The following IL2RA variants were observed in gnomAD, a reference collection of about 807,000 sequenced individuals.
The protein encoded by IL2RA is interleukin 2 receptor subunit alpha.
Under a neutral mutation model 37.8 loss-of-function variants are expected in IL2RA, and 24 were observed. The observed-to-expected ratio is 0.63, with a 90% confidence interval of 0.46 to 0.89. IL2RA has a LOEUF of 0.89. Among genes scored for constraint, IL2RA ranks in the 40% least tolerant of loss-of-function variants. IL2RA has a pLI of 0.00. For missense variants in IL2RA, 319 were observed against 348.6 expected (o/e 0.92, Z 0.68); for synonymous variants, 125 against 114.6 (o/e 1.09, Z -0.58).
chr10:6,043,629 G>A (rs1839806561), intron 1 of IL2RA, among the ~76,000 whole-genome samples: 1 of 152,138 alleles, frequency 6.6e-6, no homozygotes, highest in African/African-American at 2.4e-5. Context: ...GTAGAAATGG[G>A]GTTTCACCAT....
rs1230487400 is a variant in IL2RA at position 6,015,693 on chromosome 10, C to A, written c.794+2360G>T. 6.6e-6 allele frequency among the ~76,000 whole-genome samples: 1 copy of A among 152,198 alleles called. No homozygotes were observed. Among genetic ancestry groups the A allele is most frequent in the African/African-American group, 2.4e-5 (1 of 41,448 alleles). On this transcript the variant is annotated intron_variant, in intron 7 of 7. Coordinates refer to ENST00000379959, the MANE Select transcript of IL2RA (RefSeq NM_000417.3). This position sits in a 1 kb window ranked among gnomAD's most constrained non-coding sequence, Gnocchi z 4.9. ...AGATCATGGTATTTAGCATATCCAT[C>A]ATCTCAAACATTTATCGTTTCTTTA...
At chr10:6,017,182 T>C (rs1422290725) in intron 7 of IL2RA, 1 of 152,276 alleles carries the variant, frequency 6.6e-6, no homozygotes, top group Non-Finnish European at 1.5e-5. Flanking sequence ...CTCCTGGATG[T>C]TCTAAGATGC....
In IL2RA at chr10:6,054,160, G is replaced by T. The variant is rs182731071; in HGVS notation, c.64+7928C>A. On this transcript the variant is annotated intron_variant, in intron 1 of 7. Transcript: ENST00000379959. This position sits in a 1 kb window ranked among gnomAD's most constrained non-coding sequence, Gnocchi z 4.5. ...CTCCTTAAGCAGGATGCCTGGATCC[G>T]GGTCGAGGGCTGCAGGCGGAGCTGC... Among the ~76,000 whole-genome samples the T allele has an allele frequency of 1.3e-5, 2 of 152,372 alleles. No individual in the cohort carries two copies. The highest frequency in any genetic ancestry group is 3.9e-4 in the East Asian group (2 of 5,188).
rs12722699 is a variant in IL2RA, at chr10:6,018,052, C to G, written c.794+1G>C. 2 of 1,613,566 alleles carry G rather than the reference C, an allele frequency of 1.2e-6. No homozygotes were observed. The highest frequency in any genetic ancestry group is 1.7e-6 in the Non-Finnish European group (2 of 1,179,608). ...GGCTGCCTTGGTGATGCCACACTTACTGTCTCCGCTGCCAGGTGAGCCCAC... is the reference window on the plus strand; with the variant it reads ...GGCTGCCTTGGTGATGCCACACTTAGTGTCTCCGCTGCCAGGTGAGCCCAC... On this transcript the variant is annotated splice_donor_variant, in intron 7 of 7. Transcript: ENST00000379959. LOFTEE classifies it high-confidence loss of function. The surrounding 1 kb of genome is among the most constrained non-coding windows in gnomAD (Gnocchi z 5.1).
intron 1 of IL2RA, among the ~76,000 whole-genome samples, chr10:6,053,695 A>G (rs375909282): frequency 6.4e-4 from 97 of 152,276 alleles, no homozygotes; most frequent in African/African-American, 2.3e-3. Context: ...GGGTCTCACT[A>G]TGTTGCCCAG....
chr10:6,031,494 GTA>G (rs61619651), intron 1 of IL2RA, among the ~76,000 whole-genome samples: 1,549 of 27,388 alleles, frequency 0.057, 47 homozygotes, highest in African/African-American at 0.097. Flanking sequence ...ATATATATAT[GTA>G]TATATATATA....
At chr10:6,055,012 G>T (rs915344024) in intron 1 of IL2RA, among the ~76,000 whole-genome samples, 1 of 152,072 alleles carries the variant, frequency 6.6e-6, no homozygotes, top group Non-Finnish European at 1.5e-5. Context: ...TCTCATTTCA[G>T]TCGCAAGTTC....
intron 5 of IL2RA, 49 bp downstream of exon 5, chr10:6,019,821 G>C (rs1839352318): frequency 1.3e-6 from 2 of 1,549,134 alleles, no homozygotes; most frequent in East Asian, 4.5e-5. Flanking sequence ...GGTCACCTCT[G>C]CCCTTTTGGA....
At chr10:6,040,596 A>G (rs791592) in intron 1 of IL2RA, among the ~76,000 whole-genome samples, 140,134 of 152,234 alleles carry the variant, frequency 0.92, 64,789 homozygotes, top group East Asian at 1. Context: ...CTAAATTTGC[A>G]ATACATGGTA....
At chr10:6,019,627 G>T in intron 5 of IL2RA, 128 bp from the exon 6 acceptor site, 1 of 805,284 alleles carries the variant, frequency 1.2e-6, no homozygotes, top group Non-Finnish European at 2.2e-6. Flanking sequence ...TGGTGGTGGT[G>T]AGGGAAGGTG....
intron 1 of IL2RA, among the ~76,000 whole-genome samples, chr10:6,037,578 G>C (rs903518897): frequency 2.6e-5 from 4 of 152,176 alleles, no homozygotes; most frequent in African/African-American, 9.7e-5. Context: ...AAGGGACACA[G>C]GTACGCATCA....
chr10:6,053,897 G>A (rs1840003501), intron 1 of IL2RA, among the ~76,000 whole-genome samples: 1 of 152,208 alleles, frequency 6.6e-6, no homozygotes, highest in Non-Finnish European at 1.5e-5. Flanking sequence ...TTCTTGCACT[G>A]CATACAGCGT....
At chr10:6,026,598 G>T (rs1206640725) in intron 1 of IL2RA, among the ~76,000 whole-genome samples, 1 of 152,108 alleles carries the variant, frequency 6.6e-6, no homozygotes, top group African/African-American at 2.4e-5. Flanking sequence ...CCCTCAGCCT[G>T]AAAAATGGAC....
At chr10:6,038,434 T>G (rs1009312476) in intron 1 of IL2RA, among the ~76,000 whole-genome samples, 4 of 152,208 alleles carry the variant, frequency 2.6e-5, no homozygotes, top group African/African-American at 9.6e-5. Context: ...ATGTGCTGCT[T>G]CTTTGCATAT....
chr10:6,050,955 A>C (rs1269391365), intron 1 of IL2RA, among the ~76,000 whole-genome samples: 1 of 152,216 alleles, frequency 6.6e-6, no homozygotes, highest in African/African-American at 2.4e-5. Context: ...ACCAGGGATC[A>C]ACATCTCCAG....
intron 1 of IL2RA, among the ~76,000 whole-genome samples, chr10:6,043,736 C>T (rs891342197): frequency 7.9e-5 from 12 of 152,088 alleles, no homozygotes; most frequent in African/African-American, 2.9e-4. Context: ...TCACGCACGA[C>T]AAGAGCATGT....
Position 6,018,145 on chromosome 10 carries a change from C to A in IL2RA, c.728-26G>T. 1 of 1,604,398 alleles carries A rather than the reference C, an allele frequency of 6.2e-7. No individual in the cohort carries two copies. Among genetic ancestry groups the A allele is most frequent in the Non-Finnish European group, 8.5e-7 (1 of 1,171,714 alleles). Reference sequence around the variant, plus strand: ...CTGTCAATAGAGAGAGGGAGTTCAGCAAAGGGCCCTGGGCTTGGCATGGGG... The same window carrying A: ...CTGTCAATAGAGAGAGGGAGTTCAGAAAAGGGCCCTGGGCTTGGCATGGGG... On this transcript the variant is annotated intron_variant, in intron 6 of 7. Transcript: ENST00000379959. The surrounding 1 kb of genome is among the most constrained non-coding windows in gnomAD (Gnocchi z 5.1).
chr10:6,052,700 G>C (rs1402058562), intron 1 of IL2RA, among the ~76,000 whole-genome samples: 1 of 152,150 alleles, frequency 6.6e-6, no homozygotes, highest in Non-Finnish European at 1.5e-5. Flanking sequence ...TTATTGCTGA[G>C]AGTACAGAAA....
At position 6,035,782 on chromosome 10, in the gene IL2RA, G is replaced by A. The variant is rs79716686; in HGVS notation, c.65-9757C>T. Among the ~76,000 whole-genome samples the A allele has an allele frequency of 5.3e-5, 8 of 152,322 alleles. No individual in the cohort carries two copies. Among genetic ancestry groups the A allele is most frequent in the African/African-American group, 7.2e-5 (3 of 41,578 alleles). On this transcript the variant is annotated intron_variant, in intron 1 of 7. Transcript: ENST00000379959. This position sits in a 1 kb window ranked among gnomAD's most constrained non-coding sequence, Gnocchi z 5.4. ...AAACCGAGTTCTTCTAGTGTTGAGCGTGTTTCACATCTTCCGTTGGAGTTT... is the reference window on the plus strand; with the variant it reads ...AAACCGAGTTCTTCTAGTGTTGAGCATGTTTCACATCTTCCGTTGGAGTTT...
Sources: allele counts gnomAD v4.1 joint callset (sites outside exome capture counted in the v4.1 genomes callset), GRCh38; gene constraint gnomAD v4.1.1; non-coding constraint Gnocchi (gnomAD v3.1); transcripts MANE v1.5; gene names NCBI Gene and HGNC (gene_info 2026-07-23, HGNC 2026-07-21).